NFIA: variants seen among roughly 807,000 people sequenced by gnomAD.
The protein encoded by NFIA is nuclear factor I A.
Under a neutral mutation model 62.8 loss-of-function variants are expected in NFIA, and 8 were observed. The ratio of observed to expected loss-of-function variants is 0.13; its 90% CI spans 0.07 to 0.23. The LOEUF (loss-of-function observed/expected upper bound fraction) is 0.23, where lower values mean the gene tolerates loss of function less well. Ranked by LOEUF, NFIA falls within the 10% of genes least tolerant of loss-of-function variation. The probability of loss-of-function intolerance (pLI) is 1.00; values close to 1 mark genes in which losing one functional copy is unlikely to be tolerated. For synonymous variants in NFIA, 235 were observed against 238.1 expected (o/e 0.99, Z 0.12); for missense variants, 410 against 642.1 (o/e 0.64, Z 3.91).
At chr1:61,100,403 A>G (rs1301288401) in intron 2 of NFIA, among the ~76,000 whole-genome samples, 4 of 152,174 alleles carry the variant, frequency 2.6e-5, no homozygotes, top group African/African-American at 7.2e-5. Flanking sequence ...ATAGGTTTCC[A>G]GCACTAATCT....
At chr1:61,228,699 T>A (rs895394731) in intron 2 of NFIA, among the ~76,000 whole-genome samples, 6 of 151,454 alleles carry the variant, frequency 4.0e-5, no homozygotes, top group Non-Finnish European at 8.8e-5. Context: ...TTAAAAAAAA[T>A]GTGTACATGA....
At chr1:61,294,891 A>G (rs1659105986) in intron 3 of NFIA, among the ~76,000 whole-genome samples, 2 of 152,180 alleles carry the variant, frequency 1.3e-5, no homozygotes, top group African/African-American at 4.8e-5. Context: ...TTCCCAGTCT[A>G]TCTCGATATT....
At chr1:61,228,215 A>T (rs1654451886) in intron 2 of NFIA, among the ~76,000 whole-genome samples, 1 of 152,162 alleles carries the variant, frequency 6.6e-6, no homozygotes, top group South Asian at 2.1e-4. Flanking sequence ...TGTGATCTGT[A>T]TGTAAGTGTG....
chr1:61,151,284 A>G (rs915647939), intron 2 of NFIA, among the ~76,000 whole-genome samples: 1 of 151,902 alleles, frequency 6.6e-6, no homozygotes, highest in African/African-American at 2.4e-5. Context: ...ATCTCAGCTC[A>G]CTGCAACCTC....
chr1:61,209,625 A>C (rs1287308884), intron 2 of NFIA, among the ~76,000 whole-genome samples: 1 of 151,888 alleles, frequency 6.6e-6, no homozygotes, highest in Non-Finnish European at 1.5e-5. Context: ...GGAGTTTGAG[A>C]CCAATCTGGC....
chr1:61,249,289 A>AT (rs1412193259), intron 2 of NFIA, among the ~76,000 whole-genome samples: 1 of 152,216 alleles, frequency 6.6e-6, no homozygotes, highest in Non-Finnish European at 1.5e-5. Context: ...GTAAACATTG[A>AT]TTTTTTTCAG....
At chr1:61,380,360 T>C (rs1230456057) in intron 6 of NFIA, among the ~76,000 whole-genome samples, 1 of 152,180 alleles carries the variant, frequency 6.6e-6, no homozygotes, top group African/African-American at 2.4e-5. Flanking sequence ...AGAAAATACA[T>C]TGAAATTAAA....
chr1:61,341,766 G>A (rs367613689), intron 4 of NFIA, among the ~76,000 whole-genome samples: 1 of 152,230 alleles, frequency 6.6e-6, no homozygotes, highest in Non-Finnish European at 1.5e-5. Flanking sequence ...GCGTGAGCCA[G>A]TGTGCCCAGC....
chr1:61,255,674 A>T (rs536514712), intron 2 of NFIA, among the ~76,000 whole-genome samples: 1 of 152,286 alleles, frequency 6.6e-6, no homozygotes, highest in African/African-American at 2.4e-5. Flanking sequence ...TGGAAATAGA[A>T]CTAGGGTTTG....
At position 61,095,523 on chromosome 1, in the gene NFIA, A is replaced by G. The variant is rs188786650; in HGVS notation, c.559+6843A>G. Among the ~76,000 whole-genome samples, 10 of 152,284 alleles carry G rather than the reference A, an allele frequency of 6.6e-5. No individual in the cohort carries two copies. The East Asian group carries it at 9.6e-4, about 15-fold the overall frequency. On this transcript the variant is annotated intron_variant, in intron 2 of 10. Coordinates refer to ENST00000403491, the MANE Select transcript of NFIA (RefSeq NM_001134673.4). ...TTGGATGTCGTTTTCATGGTATCAC[A>G]CACCTGTCTTGAATCAAAGGGAAAG... is the stretch of plus-strand genomic sequence containing the variant.
intron 2 of NFIA, among the ~76,000 whole-genome samples, chr1:61,155,885 G>A (rs963155836): frequency 2.0e-5 from 3 of 151,210 alleles, no homozygotes; most frequent in South Asian, 2.1e-4. Context: ...GCCTGTAATC[G>A]CAGCACTTTG....
chr1:61,279,400 TAA>T (rs199881233), intron 3 of NFIA, among the ~76,000 whole-genome samples: 169 of 143,236 alleles, frequency 1.2e-3, no homozygotes, highest in Middle Eastern at 3.6e-3. Context: ...AGCAGGCAGT[TAA>T]AAAAAAAAAA....
chr1:61,252,274 A>C (rs1441429938), intron 2 of NFIA, among the ~76,000 whole-genome samples: 1 of 152,218 alleles, frequency 6.6e-6, no homozygotes, highest in Admixed American at 6.5e-5. Context: ...CATGGCCAAC[A>C]GTTACCTACT....
chr1:61,157,616 C>T (rs188667365), intron 2 of NFIA, among the ~76,000 whole-genome samples: 50 of 152,214 alleles, frequency 3.3e-4, no homozygotes, highest in Admixed American at 1.8e-3. Flanking sequence ...TTTTGGAAAG[C>T]AGAATAGCTG....
Position 61,406,555 on chromosome 1 carries a change from C to CCT in NFIA, c.1255-6_1255-5insTC. 7.1e-7 allele frequency: 1 copy of CCT among 1,406,004 alleles called. No individual in the cohort carries two copies. The highest frequency in any genetic ancestry group is 9.5e-7 in the Non-Finnish European group (1 of 1,049,900). The allele number at this position is 1,406,004 out of a possible 1,614,324, so 87.1% of individuals were successfully genotyped here. A position where few individuals can be genotyped will look rare whatever the true frequency, so the allele number is the denominator to read the frequency against. On this transcript the variant is annotated splice_polypyrimidine_tract_variant and splice_region_variant and intron_variant, in intron 8 of 10. Coordinates refer to ENST00000403491, the MANE Select transcript of NFIA (RefSeq NM_001134673.4). ...ACGTGTGTTTTCTGCCCCCCCCCCC[C>CCT]CCACAGCCCAATGGGAGCAGCCAAG... is the stretch of plus-strand genomic sequence containing the variant.
chr1:61,402,822 G>A (rs1665637627), intron 7 of NFIA, among the ~76,000 whole-genome samples: 1 of 152,142 alleles, frequency 6.6e-6, no homozygotes, highest in Non-Finnish European at 1.5e-5. Context: ...CAGTCTTTTT[G>A]AAAACTACAG....
At position 61,184,115 on chromosome 1, in the gene NFIA, G is replaced by GGA. The variant is rs369967972; in HGVS notation, c.560-93405_560-93404insGA. Among the ~76,000 whole-genome samples, 578 of 69,496 alleles carry GGA rather than the reference G, an allele frequency of 8.3e-3. 5 individuals are homozygous for GGA. Among genetic ancestry groups the GGA allele is most frequent in the African/African-American group, 0.031 (547 of 17,848 alleles). 45.6% of individuals were successfully genotyped at this position (69,496 alleles called of 152,430 possible). On this transcript the variant is annotated intron_variant, in intron 2 of 10. Coordinates refer to ENST00000403491, the MANE Select transcript of NFIA (RefSeq NM_001134673.4). ...AGATCCGTAAGGTTTATGGGGGGGG[G>GGA]AAAAAAAACCAAAAAAAAAAAAAAA...
chr1:61,345,659 G>A (rs866964739), intron 4 of NFIA, among the ~76,000 whole-genome samples: 11 of 152,238 alleles, frequency 7.2e-5, no homozygotes, highest in African/African-American at 2.2e-4. Flanking sequence ...TCCTAGGAAC[G>A]CAAACCCTAT....
intron 2 of NFIA, among the ~76,000 whole-genome samples, chr1:61,221,794 G>A (rs1654032401): frequency 1.3e-5 from 2 of 152,098 alleles, no homozygotes; most frequent in African/African-American, 4.8e-5. Flanking sequence ...AAGTTAAAAA[G>A]CACTGTAAGA....
Sources: gnomAD v4.1 joint callset for allele counts (sites outside exome capture counted in the v4.1 genomes callset) on GRCh38, gnomAD v4.1.1 for gene constraint, MANE v1.5 for transcripts, NCBI Gene and HGNC (gene_info 2026-07-23, HGNC 2026-07-21) for gene names.